Variants in KHDRBS1 observed in about 807,000 individuals in gnomAD.
The protein encoded by KHDRBS1 is KH RNA binding domain containing, signal transduction associated 1, also known as KH domain-containing, RNA-binding, signal transduction-associated protein 1.
KHDRBS1 carries 7 observed loss-of-function variants against 48.4 expected under a neutral mutation model. The observed-to-expected ratio is 0.14, with a 90% CI of 0.08 to 0.27. The LOEUF is 0.27. KHDRBS1 is among the 10% of genes least tolerant of loss of function. The pLI, the probability that KHDRBS1 is intolerant of heterozygous loss-of-function variation, is 1.00. For missense variants in KHDRBS1, 458 were observed against 601.2 expected, an observed-to-expected ratio of 0.76 and a Z score of 2.49; for synonymous variants, 241 against 235.8, an observed-to-expected ratio of 1.02 and a Z score of -0.20.
chr1:32,056,049 G>T (rs1453090461), intron 10 of KHDRBS1, among the ~76,000 whole-genome samples: 2 of 152,162 alleles, frequency 1.3e-5, no homozygotes, highest in East Asian at 3.9e-4. Context: ...ATCTGGAAGG[G>T]ATGTGAATTT....
intron 4 of KHDRBS1, 34 bp from the exon 5 acceptor site, chr1:32,036,876 A>G (rs1639194487): frequency 6.3e-7 from 1 of 1,587,572 alleles, no homozygotes; most frequent in Admixed American, 1.7e-5. Context: ...AAGTGTAGAT[A>G]CCACACAATA....
chr1:32,025,718 C>A (rs757617171), intron 1 of KHDRBS1, among the ~76,000 whole-genome samples: 3 of 125,042 alleles, frequency 2.4e-5, no homozygotes, highest in African/African-American at 9.1e-5. Context: ...TCCCTTCTTC[C>A]CTCCCTCCCT....
chr1:32,032,605 A>G (rs1477738368), intron 3 of KHDRBS1, among the ~76,000 whole-genome samples: 5 of 152,144 alleles, frequency 3.3e-5, no homozygotes, highest in Non-Finnish European at 7.3e-5. Flanking sequence ...GCTCCAATGG[A>G]TATCTCAGGG....
chr1:32,044,865 A>G (rs1639339470), downstream of KHDRBS1, among the ~76,000 whole-genome samples: 1 of 152,244 alleles, frequency 6.6e-6, no homozygotes, highest in South Asian at 2.1e-4. Context: ...TCTCTTTTAC[A>G]TAAACTGTGA....
rs997320074 is a variant in KHDRBS1 at position 32,026,367 on chromosome 1, G to A, written c.383-3931G>A. Among the ~76,000 whole-genome samples the A allele has an allele frequency of 4.6e-5, 7 of 151,618 alleles. No individual in the cohort carries two copies. In the East Asian group the frequency reaches 9.8e-4, roughly 21 times the overall value. On this transcript the variant is annotated intron_variant, in intron 1 of 8. Transcript: ENST00000327300. ...GAGAAGGGGTCTCACTATGTTGCCC[G>A]CTCTGGTCCCAAACTCCTGGGCTCC...
chr1:32,014,709 A>G (rs985995357), intron 1 of KHDRBS1, among the ~76,000 whole-genome samples: 5 of 152,138 alleles, frequency 3.3e-5, no homozygotes, highest in Non-Finnish European at 7.4e-5. Context: ...CCAGAAATGA[A>G]CCTTCATTTC....
intron 4 of KHDRBS1, among the ~76,000 whole-genome samples, chr1:32,034,402 A>C (rs964182553): frequency 2.0e-5 from 3 of 152,116 alleles, no homozygotes; most frequent in African/African-American, 7.2e-5. Context: ...GTCTATTAAA[A>C]ATACAAAATT....
intron 10 of KHDRBS1, among the ~76,000 whole-genome samples, chr1:32,056,901 G>A (rs759242824): frequency 8.5e-5 from 13 of 152,084 alleles, no homozygotes; most frequent in Non-Finnish European, 1.6e-4. Context: ...AATGGTCCTT[G>A]GCTTCATGGA....
chr1:32,016,940 C>T (rs1638752802), intron 1 of KHDRBS1, among the ~76,000 whole-genome samples: 1 of 152,080 alleles, frequency 6.6e-6, no homozygotes, highest in Non-Finnish European at 1.5e-5. Context: ...ACATATTCAC[C>T]TTCATTGAAG....
Position 32,021,200 on chromosome 1 carries a change from C to T in KHDRBS1, c.382+6823C>T, listed in dbSNP as rs1437687759. Among the ~76,000 whole-genome samples the T allele has an allele frequency of 2.0e-5, 3 of 151,884 alleles. No individual in the cohort carries two copies. The East Asian group carries it at 5.8e-4, about 29-fold the overall frequency. ...ATTTGGGAGACCATAGTCAATATGA[C>T]AGAGTTTTCTACTGTCCTGGAATGT... is the stretch of plus-strand genomic sequence containing the variant. On this transcript the variant is annotated intron_variant, in intron 1 of 8. Coordinates refer to ENST00000327300, the MANE Select transcript of KHDRBS1 (RefSeq NM_006559.3).
At chr1:32,022,298 C>T (rs893630323) in intron 1 of KHDRBS1, among the ~76,000 whole-genome samples, 12 of 152,004 alleles carry the variant, frequency 7.9e-5, no homozygotes, top group Admixed American at 1.3e-4. Context: ...GCGCCCCAGC[C>T]GGTACATTTC....
chr1:32,024,559 T>G (rs756195149), intron 1 of KHDRBS1, among the ~76,000 whole-genome samples: 1 of 151,960 alleles, frequency 6.6e-6, no homozygotes, highest in Non-Finnish European at 1.5e-5. Context: ...GTTCCTGGGC[T>G]CAAGCAATCC....
intron 1 of KHDRBS1, among the ~76,000 whole-genome samples, chr1:32,026,918 C>T (rs981404076): frequency 1.3e-5 from 2 of 152,190 alleles, no homozygotes; most frequent in Admixed American, 6.5e-5. Flanking sequence ...CCTCAGCCTC[C>T]TCGGTAGCTG....
chr1:32,039,471 A>G lies in KHDRBS1; in HGVS notation c.1176-44A>G, dbSNP rs763416113. ...GAAGTATTTGAGAGAAAGTTGAAAC[A>G]TAGTTACTCTGTAGCTTCCTAACAC... On this transcript the variant is annotated intron_variant, in intron 7 of 8. Coordinates refer to ENST00000327300, the MANE Select transcript of KHDRBS1 (RefSeq NM_006559.3). 4.5e-6 allele frequency: 4 copies of G among 883,230 alleles called. No homozygotes were observed. The African/African-American group carries it at 6.6e-5, about 14-fold the overall frequency. The allele number at this position is 883,230 out of a possible 1,614,324, so 54.7% of individuals were successfully genotyped here.
intron 10 of KHDRBS1, among the ~76,000 whole-genome samples, chr1:32,059,165 G>GAAAA (rs1163066227): frequency 2.0e-4 from 9 of 45,964 alleles, no homozygotes; most frequent in African/African-American, 3.7e-4. Context: ...TGTCTCAGGA[G>GAAAA]AAAAAAAAAA....
intron 7 of KHDRBS1, 60 bp from the exon 8 acceptor site, chr1:32,039,455 G>T (rs1239208603): frequency 7.4e-6 from 6 of 814,782 alleles, no homozygotes; most frequent in Non-Finnish European, 1.3e-5. Context: ...GGAAGTATTT[G>T]AGAGAAAGTT....
intron 1 of KHDRBS1, among the ~76,000 whole-genome samples, chr1:32,025,782 C>A (rs1233708982): frequency 2.2e-5 from 3 of 135,280 alleles, no homozygotes; most frequent in Non-Finnish European, 4.7e-5. Context: ...CCCTTCGATA[C>A]CCAAGCTGGA....
rs775311819 is a variant in KHDRBS1, at chr1:32,037,816, A to G, written c.906-19A>G. The G allele has an allele frequency of 1.1e-5, 17 of 1,608,142 alleles. No individual in the cohort carries two copies. The East Asian group carries it at 3.6e-4, about 34-fold the overall frequency. Reference sequence around the variant, plus strand: ...CTGTTTATAAAAAGCTCCATTTAAGATAAACTTTCATTTTGTAGGGGCCGT... The same window carrying G: ...CTGTTTATAAAAAGCTCCATTTAAGGTAAACTTTCATTTTGTAGGGGCCGT... On this transcript the variant is annotated intron_variant, in intron 5 of 8. Transcript: ENST00000327300.
intron 1 of KHDRBS1, among the ~76,000 whole-genome samples, chr1:32,021,482 GT>G (rs1443139212): frequency 6.6e-6 from 1 of 152,128 alleles, no homozygotes; most frequent in East Asian, 1.9e-4. Flanking sequence ...AAATGAAGTT[GT>G]TTTGCAATAG....
Sources: allele counts gnomAD v4.1 joint callset (sites outside exome capture counted in the v4.1 genomes callset), GRCh38; gene constraint gnomAD v4.1.1; transcripts MANE v1.5; gene names NCBI Gene and HGNC (gene_info 2026-07-23, HGNC 2026-07-21).